The following AATF variants were observed in gnomAD, a reference collection of about 807,000 sequenced individuals.
AATF encodes apoptosis antagonizing transcription factor.
Under a neutral mutation model 63.7 loss-of-function variants are expected in AATF, and 48 were observed. The observed-to-expected ratio is 0.75, with a 90% confidence interval of 0.60 to 0.96. The LOEUF (loss-of-function observed/expected upper bound fraction) is 0.96, where lower values mean the gene tolerates loss of function less well. Among genes scored for constraint, AATF ranks in the 40% least tolerant of loss-of-function variants. The pLI is 0.00. For synonymous variants in AATF, 258 were observed against 247.7 expected (o/e 1.04, Z -0.39); for missense variants, 639 against 685.7 (o/e 0.93, Z 0.76).
At chr17:37,046,783 G>A (rs202020617) in intron 11 of AATF, among the ~76,000 whole-genome samples, 61 of 145,550 alleles carry the variant, frequency 4.2e-4, no homozygotes, top group African/African-American at 1.5e-3. Flanking sequence ...ATGCACACAC[G>A]CCCTGGGTTG....
intron 10 of AATF, among the ~76,000 whole-genome samples, chr17:37,023,265 A>G (rs969025699): frequency 6.6e-6 from 1 of 152,220 alleles, no homozygotes; most frequent in African/African-American, 2.4e-5. Flanking sequence ...ATGTGTAAAT[A>G]TCTGGTACAT....
At chr17:37,044,570 T>C (rs2071673371) in intron 11 of AATF, among the ~76,000 whole-genome samples, 1 of 152,214 alleles carries the variant, frequency 6.6e-6, no homozygotes, top group South Asian at 2.1e-4. Context: ...AGGTTTCTCC[T>C]GCTATATACT....
intron 11 of AATF, among the ~76,000 whole-genome samples, chr17:37,042,275 T>C (rs764813754): frequency 3.3e-5 from 5 of 152,056 alleles, no homozygotes; most frequent in Non-Finnish European, 7.4e-5. Flanking sequence ...AGAACAATTA[T>C]TCACCTATAT....
intron 8 of AATF, among the ~76,000 whole-genome samples, chr17:37,000,533 C>T (rs893280884): frequency 6.6e-6 from 1 of 152,086 alleles, no homozygotes; most frequent in African/African-American, 2.4e-5. Context: ...GTTTATGATA[C>T]TTCTGCCACA....
intron 4 of AATF, among the ~76,000 whole-genome samples, chr17:36,980,881 A>G (rs530762701): frequency 6.6e-6 from 1 of 151,814 alleles, no homozygotes; most frequent in Admixed American, 6.6e-5. Context: ...GCCACTGGTG[A>G]CATTTACTTT....
chr17:37,031,640 G>A lies in AATF; in HGVS notation c.1574G>A (p.Ser525Asn). ...TTTCATGTCCTTAGCAAGCTACTGA[G>A]TTTCATGGCACCTATTGACCATACT... ...LRFHVLSKLL[S>N]FMAPIDHTTM... The change falls in exon 11 of 12, where the codon AGT (serine) becomes AAT (asparagine). Residue 525 changes from serine (S) to asparagine (N), a missense_variant. Ser to Asn is a conservative substitution (Grantham distance 46, BLOSUM62 1). Transcript: ENST00000619387. The A allele has an allele frequency of 6.2e-7, 1 of 1,614,140 alleles. No individual in the cohort carries two copies. The highest frequency in any genetic ancestry group is 1.1e-5 in the South Asian group (1 of 91,074).
chr17:37,018,207 A>C (rs1184320313), intron 8 of AATF, among the ~76,000 whole-genome samples: 3 of 152,208 alleles, frequency 2.0e-5, no homozygotes, highest in Non-Finnish European at 2.9e-5. Context: ...TCGCCCAAGG[A>C]CTTTAAGATT....
At chr17:37,037,248 C>A (rs1227695996) in intron 11 of AATF, among the ~76,000 whole-genome samples, 1 of 152,050 alleles carries the variant, frequency 6.6e-6, no homozygotes, top group East Asian at 1.9e-4. Context: ...ATCTCTTGAC[C>A]TCATGATCCA....
intron 4 of AATF, among the ~76,000 whole-genome samples, chr17:36,977,971 T>C (rs1460569150): frequency 6.6e-6 from 1 of 152,166 alleles, no homozygotes; most frequent in African/African-American, 2.4e-5. Flanking sequence ...ATCAAGGTAT[T>C]TGAGAGAGTA....
At chr17:37,048,500 A>G (rs1177666904) in intron 11 of AATF, among the ~76,000 whole-genome samples, 2 of 149,190 alleles carry the variant, frequency 1.3e-5, no homozygotes, top group Non-Finnish European at 3.0e-5. Context: ...CCTCCCAAGT[A>G]CCTGGGATTA....
At chr17:37,031,135 A>G (rs1380212009) in intron 10 of AATF, among the ~76,000 whole-genome samples, 2 of 152,222 alleles carry the variant, frequency 1.3e-5, no homozygotes, top group Non-Finnish European at 2.9e-5. Flanking sequence ...GTTCCACATC[A>G]GTGGATTCAA....
chr17:37,029,981 A>G (rs966102851), intron 10 of AATF, among the ~76,000 whole-genome samples: 6 of 152,180 alleles, frequency 3.9e-5, no homozygotes, highest in African/African-American at 1.4e-4. Context: ...GGTTATAGGC[A>G]TGAGCCACTG....
At position 37,018,920 on chromosome 17, in the gene AATF, C is replaced by T. The variant is rs983946089; in HGVS notation, c.1399-85C>T. On this transcript the variant is annotated intron_variant, in intron 8 of 11. Transcript: ENST00000619387. The stretch of plus-strand genomic sequence containing the variant: ...TTGTAGTTTTAGAGCTGTCACTATG[C>T]CATTCAGAATTCCTTCTCTGCCCTT... 12 of 1,069,620 alleles carry T rather than the reference C, an allele frequency of 1.1e-5. No homozygotes were observed. In the African/African-American group the frequency reaches 1.9e-4, roughly 17 times the overall value. The allele number at this position is 1,069,620 out of a possible 1,614,324, so 66.3% of individuals were successfully genotyped here.
intron 4 of AATF, among the ~76,000 whole-genome samples, chr17:36,980,888 C>G (rs2071117939): frequency 6.8e-6 from 1 of 147,102 alleles, no homozygotes; most frequent in African/African-American, 2.5e-5. Flanking sequence ...GTGACATTTA[C>G]TTTGATAAAC....
rs1321827667 is a variant in AATF at position 37,046,728 on chromosome 17, C to CA, written c.1620-9873_1620-9872insA. ...GCTGAGCGATGCATCCTGTGCTCCC[C>CA]CAACACACACACACACACACACACA... is the stretch of plus-strand genomic sequence containing the variant. On this transcript the variant is annotated intron_variant, in intron 11 of 11. Coordinates refer to ENST00000619387, the MANE Select transcript of AATF (RefSeq NM_012138.4). Among the ~76,000 whole-genome samples, 12 of 129,040 alleles carry CA rather than the reference C, an allele frequency of 9.3e-5. 1 individual carries two copies. Among genetic ancestry groups the CA allele is most frequent in the African/African-American group, 3.8e-4 (12 of 31,952 alleles). The allele number at this position is 129,040 out of a possible 152,430, so 84.7% of individuals were successfully genotyped here.
chr17:36,993,891 C>T (rs1484405637), intron 8 of AATF, among the ~76,000 whole-genome samples: 1 of 152,100 alleles, frequency 6.6e-6, no homozygotes, highest in South Asian at 2.1e-4. Flanking sequence ...TCAGAACACT[C>T]CCCCTCTACA....
chr17:37,027,190 A>G (rs2071517177), intron 10 of AATF, among the ~76,000 whole-genome samples: 1 of 152,190 alleles, frequency 6.6e-6, no homozygotes, highest in African/African-American at 2.4e-5. Flanking sequence ...ATTGATTGTC[A>G]GTATTCTACT....
At chr17:37,002,564 TG>T (rs1239171076) in intron 8 of AATF, among the ~76,000 whole-genome samples, 1 of 149,240 alleles carries the variant, frequency 6.7e-6, no homozygotes, top group Non-Finnish European at 1.5e-5. Context: ...CCCAGCTACT[TG>T]GGAGGCTGAG....
intron 8 of AATF, among the ~76,000 whole-genome samples, chr17:36,993,700 C>T (rs952325529): frequency 6.6e-6 from 1 of 152,060 alleles, no homozygotes; most frequent in African/African-American, 2.4e-5. Flanking sequence ...GAATATAATA[C>T]ATTCCCCCTT....
Sources: allele counts gnomAD v4.1 joint callset (sites outside exome capture counted in the v4.1 genomes callset), GRCh38; gene constraint gnomAD v4.1.1; transcripts MANE v1.5; gene names NCBI Gene and HGNC (gene_info 2026-07-23, HGNC 2026-07-21).